The following GTF2H1 variants were observed in gnomAD, a reference collection of about 807,000 sequenced individuals.
The protein encoded by GTF2H1 is BTF2 p62.
In GTF2H1, 16 loss-of-function variants were observed where a neutral mutation model predicts 71.2. The ratio of observed to expected loss-of-function variants is 0.22; its 90% CI spans 0.15 to 0.34. The LOEUF (loss-of-function observed/expected upper bound fraction) is 0.34, where lower values mean the gene tolerates loss of function less well. GTF2H1 is among the 10% of genes least tolerant of loss of function. The pLI, the probability that GTF2H1 is intolerant of heterozygous loss-of-function variation, is 1.00. For synonymous variants in GTF2H1, 215 were observed against 219.0 expected (o/e 0.98, Z 0.16); for missense variants, 498 against 648.2 (o/e 0.77, Z 2.52).
chr11:18,356,377 CA>C (rs771914874), intron 11 of GTF2H1, among the ~76,000 whole-genome samples: 16,556 of 76,964 alleles, frequency 0.22, 750 homozygotes, highest in Middle Eastern at 0.3. Context: ...GACTCTGTCT[CA>C]AAAAAAAAAA....
At chr11:18,328,094 T>C (rs1864807324) in intron 1 of GTF2H1, among the ~76,000 whole-genome samples, 2 of 151,098 alleles carry the variant, frequency 1.3e-5, no homozygotes, top group Admixed American at 1.3e-4. Flanking sequence ...CCCTAGTTAC[T>C]GAGGAGGCTG....
chr11:18,341,051 G>A (rs1865145744), intron 5 of GTF2H1, among the ~76,000 whole-genome samples: 1 of 152,130 alleles, frequency 6.6e-6, no homozygotes, highest in African/African-American at 2.4e-5. Context: ...TGCAAATAAG[G>A]TTTTGTTTGT....
chr11:18,351,949 A>C lies in GTF2H1; in HGVS notation c.1122A>C (p.Leu374=). 1.3e-6 allele frequency: 2 copies of C among 1,587,516 alleles called. No individual in the cohort carries two copies. The highest frequency in any genetic ancestry group is 1.1e-5 in the South Asian group (1 of 90,500). The change falls in exon 10 of 15, where the codon CTA becomes CTC. Residue 374 remains leucine, a synonymous_variant. Coordinates refer to ENST00000265963, the MANE Select transcript of GTF2H1 (RefSeq NM_005316.4). The part of the protein sequence containing the change: ...GKNNSVKTIA[L]NLKKSDRYYH... ...ATAATTCTGTAAAAACGATTGCACT[A>C]AACCTCAAGAAGTCAGATAGGTAAG... is the stretch of plus-strand genomic sequence containing the variant.
chr11:18,353,406 G>A (rs1033703016), intron 11 of GTF2H1, among the ~76,000 whole-genome samples: 4 of 152,108 alleles, frequency 2.6e-5, no homozygotes, highest in East Asian at 1.9e-4. Context: ...GATAGTCTCC[G>A]CTACTCCCTT....
chr11:18,355,750 A>G (rs1023769686), intron 11 of GTF2H1, among the ~76,000 whole-genome samples: 1 of 151,324 alleles, frequency 6.6e-6, no homozygotes, highest in African/African-American at 2.4e-5. Flanking sequence ...CCTGAGCTCA[A>G]GCGATCCACC....
At chr11:18,353,693 G>A (rs759821842) in intron 11 of GTF2H1, among the ~76,000 whole-genome samples, 20 of 152,160 alleles carry the variant, frequency 1.3e-4, no homozygotes, top group South Asian at 1.0e-3. Context: ...CCTATATTAC[G>A]TTATTTATCA....
At chr11:18,345,007 A>AC (rs1393644894) in intron 7 of GTF2H1, among the ~76,000 whole-genome samples, 8 of 134,752 alleles carry the variant, frequency 5.9e-5, no homozygotes, top group African/African-American at 2.3e-4. Context: ...TTGTGAGACC[A>AC]CATCTCTAAA....
At chr11:18,348,147 G>C in intron 9 of GTF2H1, 1 of 576,546 alleles carries the variant, frequency 1.7e-6, no homozygotes, top group Non-Finnish European at 3.1e-6. Flanking sequence ...TTTTTTGTTT[G>C]TTTGTTTGTT....
intron 3 of GTF2H1, 53 bp from the exon 4 acceptor site, chr11:18,338,056 C>G: frequency 8.4e-7 from 1 of 1,195,786 alleles, no homozygotes; most frequent in East Asian, 2.4e-5. Flanking sequence ...AATGTACCTA[C>G]ATGGTGTTTT....
rs985593665 is a variant in GTF2H1, at chr11:18,338,898, A to G, written c.513+624A>G. Among the ~76,000 whole-genome samples, 266 of 152,116 alleles carry G rather than the reference A, an allele frequency of 1.7e-3. 7 individuals carry two copies. Among genetic ancestry groups the G allele is most frequent in the Admixed American group, 0.017 (265 of 15,296 alleles). On this transcript the variant is annotated intron_variant, in intron 4 of 14. Coordinates refer to ENST00000265963, the MANE Select transcript of GTF2H1 (RefSeq NM_005316.4). ...TGACTCTTTCAGAGTTTGGACTAAT[A>G]CTTACTTTTTCAAATATTTTCAAAT... is the stretch of plus-strand genomic sequence containing the variant.
intron 1 of GTF2H1, among the ~76,000 whole-genome samples, chr11:18,329,527 T>G (rs1864845816): frequency 6.6e-6 from 1 of 152,214 alleles, no homozygotes; most frequent in African/African-American, 2.4e-5. Flanking sequence ...GCTCACAGAT[T>G]AATTTCTAAA....
At chr11:18,358,407 C>T (rs1300075241) in intron 12 of GTF2H1, 118 bp from the exon 13 acceptor site, 5 of 605,280 alleles carry the variant, frequency 8.3e-6, no homozygotes. Context: ...AATAGCACAT[C>T]CTGGTTTGGC....
chr11:18,357,441 C>T (rs755222508), intron 11 of GTF2H1, among the ~76,000 whole-genome samples: 91 of 152,020 alleles, frequency 6.0e-4, no homozygotes, highest in Admixed American at 9.2e-4. Context: ...AAGCCAGGTG[C>T]GGAGTACACA....
At chr11:18,344,481 T>C (rs1044160432) in intron 7 of GTF2H1, among the ~76,000 whole-genome samples, 12 of 151,884 alleles carry the variant, frequency 7.9e-5, no homozygotes, top group South Asian at 2.1e-4. Flanking sequence ...TAGCCGGGCC[T>C]GGCGGCACAT....
At chr11:18,325,726 A>C (rs4150547) in intron 1 of GTF2H1, among the ~76,000 whole-genome samples, 2 of 152,226 alleles carry the variant, frequency 1.3e-5, no homozygotes, top group African/African-American at 4.8e-5. Flanking sequence ...AAGGAAGAGA[A>C]TGTACAAAGG....
chr11:18,343,770 C>T (rs777234172), intron 7 of GTF2H1, among the ~76,000 whole-genome samples: 7 of 152,126 alleles, frequency 4.6e-5, no homozygotes, highest in Non-Finnish European at 1.0e-4. Context: ...TGGGTATTCC[C>T]TCTCTTAGTA....
Position 18,331,758 on chromosome 11 carries a change from C to T in GTF2H1, c.-15-1302C>T, listed in dbSNP as rs141027437. On this transcript the variant is annotated intron_variant, in intron 1 of 14. Transcript: ENST00000265963. ...ATTTCTGATTTCTATTGTTTTTAAT[C>T]CCTGCCGTACTCCCCTTCCTAATAC... is the stretch of plus-strand genomic sequence containing the variant. Among the ~76,000 whole-genome samples the T allele has an allele frequency of 5.4e-3, 815 of 151,448 alleles. 6 individuals are homozygous for T. Among genetic ancestry groups the T allele is most frequent in the Middle Eastern group, 0.021 (6 of 292 alleles).
rs1179407986 is a variant in GTF2H1, at chr11:18,366,041, A to C, written c.*172A>C. On this transcript the variant is annotated 3_prime_UTR_variant, in exon 15 of 15. Coordinates refer to ENST00000265963, the MANE Select transcript of GTF2H1 (RefSeq NM_005316.4). ...TTGTACTTGCACATTGGAGACTGAA[A>C]GGAAAGAAGGGACTAAATGCTGGGG... 5.1e-6 allele frequency: 3 copies of C among 593,714 alleles called. No homozygotes were observed. Among genetic ancestry groups the C allele is most frequent in the Non-Finnish European group, 9.0e-6 (3 of 332,628 alleles). 36.8% of individuals were successfully genotyped at this position (593,714 alleles called of 1,614,324 possible). A position where few individuals can be genotyped will look rare whatever the true frequency, so the allele number is the denominator to read the frequency against.
chr11:18,365,899 G>C lies in GTF2H1; in HGVS notation c.*30G>C. ...GCCATGATGCTTACAGGTTTTGTGA[G>C]ATTGAGAGAACTATGACCTGCAGCA... On this transcript the variant is annotated 3_prime_UTR_variant, in exon 15 of 15. Coordinates refer to ENST00000265963, the MANE Select transcript of GTF2H1 (RefSeq NM_005316.4). The C allele has an allele frequency of 6.6e-7, 1 of 1,506,662 alleles. No homozygotes were observed. Among genetic ancestry groups the C allele is most frequent in the South Asian group, 1.1e-5 (1 of 88,512 alleles). 93.3% of individuals were successfully genotyped at this position (1,506,662 alleles called of 1,614,324 possible). A position where few individuals can be genotyped will look rare whatever the true frequency, so the allele number is the denominator to read the frequency against.
Sources: allele counts gnomAD v4.1 joint callset (sites outside exome capture counted in the v4.1 genomes callset), GRCh38; gene constraint gnomAD v4.1.1; transcripts MANE v1.5; gene names NCBI Gene and HGNC (gene_info 2026-07-23, HGNC 2026-07-21).